The following ACTR3C variants were observed in gnomAD, a reference collection of about 807,000 sequenced individuals.
ACTR3C encodes actin related protein 3C, also known as actin-related protein 3C.
A neutral mutation model predicts 26.3 loss-of-function variants in ACTR3C; 18 were observed. The ratio of observed to expected loss-of-function variants is 0.68; its 90% CI spans 0.47 to 1.01. The LOEUF is 1.01. Ranked by LOEUF, ACTR3C falls within the 50% of genes least tolerant of loss-of-function variation. ACTR3C has a pLI of 0.00. For missense variants in ACTR3C, 184 were observed against 250.7 expected (o/e 0.73, Z 1.80); for synonymous variants, 55 against 94.5 (o/e 0.58, Z 2.42).
the ACTR3C span, among the ~76,000 whole-genome samples, chr7:149,913,611 C>T: frequency 5.3e-5 from 8 of 151,886 alleles, no homozygotes; most frequent in East Asian, 9.7e-4. Context: ...AGGGGCCGTG[C>T]GCGATTCACT....
the ACTR3C span, among the ~76,000 whole-genome samples, chr7:150,042,518 C>T: frequency 2.7e-5 from 4 of 148,726 alleles, no homozygotes; most frequent in Non-Finnish European, 4.5e-5. Flanking sequence ...TCGCCCCCTG[C>T]GATAGTGGTC....
chr7:150,192,060 T>A, the ACTR3C span, among the ~76,000 whole-genome samples: 1 of 151,260 alleles, frequency 6.6e-6, no homozygotes, highest in Non-Finnish European at 1.5e-5. Context: ...AAGCCTTGCA[T>A]GCTTGGAACA....
chr7:149,917,076 ATTTTT>A, the ACTR3C span, among the ~76,000 whole-genome samples: 1 of 136,212 alleles, frequency 7.3e-6, no homozygotes. Flanking sequence ...TGCCCCAAAT[ATTTTT>A]TTTTTTTTTT....
chr7:149,968,970 C>T, the ACTR3C span, among the ~76,000 whole-genome samples: 2 of 151,858 alleles, frequency 1.3e-5, no homozygotes, highest in Admixed American at 1.3e-4. Flanking sequence ...CAGTCCCATT[C>T]GCTCAGGCAC....
chr7:149,990,948 G>T, the ACTR3C span, among the ~76,000 whole-genome samples: 1 of 152,198 alleles, frequency 6.6e-6, no homozygotes, highest in Non-Finnish European at 1.5e-5. Context: ...GCCATGCCCT[G>T]AAGAGCCTGC....
the ACTR3C span, among the ~76,000 whole-genome samples, chr7:149,946,637 A>G: frequency 6.6e-6 from 1 of 152,144 alleles, no homozygotes; most frequent in Admixed American, 6.5e-5. Context: ...GCCAAATGAG[A>G]GAGGGAGCTC....
At chr7:150,298,053 C>A (rs1283419270) in intron 1 of ACTR3C, among the ~76,000 whole-genome samples, 1 of 151,124 alleles carries the variant, frequency 6.6e-6, no homozygotes, top group Non-Finnish European at 1.5e-5. Context: ...CATTAGTAAA[C>A]ATAAAGTTAT....
the ACTR3C span, among the ~76,000 whole-genome samples, chr7:149,939,445 C>T: frequency 3.9e-5 from 6 of 152,148 alleles, no homozygotes; most frequent in Non-Finnish European, 8.8e-5. Context: ...CAATAAAAGT[C>T]AGTGTTACCC....
At chr7:150,201,679 A>G in the ACTR3C span, among the ~76,000 whole-genome samples, 1 of 151,640 alleles carries the variant, frequency 6.6e-6, no homozygotes, top group Non-Finnish European at 1.5e-5. Context: ...AATCACTTGA[A>G]CCTGGGAGAC....
the ACTR3C span, among the ~76,000 whole-genome samples, chr7:150,209,194 C>T: frequency 6.7e-6 from 1 of 148,200 alleles, no homozygotes; most frequent in Admixed American, 6.6e-5. Flanking sequence ...AGAGAACACA[C>T]TCACACACAT....
chr7:150,264,953 C>T, intron 6 of ACTR3C: 2 of 842,834 alleles, frequency 2.4e-6, no homozygotes, highest in Non-Finnish European at 2.9e-6. Flanking sequence ...TGGAGTGATA[C>T]CCGAACTGAA....
chr7:150,197,240 C>T, the ACTR3C span, among the ~76,000 whole-genome samples: 11 of 152,156 alleles, frequency 7.2e-5, no homozygotes, highest in Non-Finnish European at 5.9e-5. Flanking sequence ...AAAAAGTCTT[C>T]AAGAGAATAT....
chr7:150,004,235 GGTGT>G, the ACTR3C span, among the ~76,000 whole-genome samples: 4 of 151,378 alleles, frequency 2.6e-5, no homozygotes, highest in African/African-American at 7.3e-5. Context: ...TGGTATGTGG[GGTGT>G]GTATTATGTG....
chr7:150,100,824 C>T, the ACTR3C span, among the ~76,000 whole-genome samples: 1 of 151,276 alleles, frequency 6.6e-6, no homozygotes, highest in African/African-American at 2.5e-5. Flanking sequence ...ACCACCTCAC[C>T]CTCCCAATTA....
chr7:150,103,433 G>A, the ACTR3C span, among the ~76,000 whole-genome samples: 3 of 152,088 alleles, frequency 2.0e-5, no homozygotes, highest in East Asian at 1.9e-4. Flanking sequence ...CAGAAGCAGC[G>A]CTGGTGAGTG....
chr7:150,014,072 T>C, the ACTR3C span, among the ~76,000 whole-genome samples: 3,459 of 152,130 alleles, frequency 0.023, 50 homozygotes, highest in Non-Finnish European at 0.039. Context: ...TTAGAACAGG[T>C]AGTCAAAATG....
At chr7:150,082,945 TTC>T in the ACTR3C span, among the ~76,000 whole-genome samples, 3 of 94,858 alleles carry the variant, frequency 3.2e-5, no homozygotes, top group Admixed American at 1.0e-4. Context: ...TTTTTTTTTT[TTC>T]TTTTTTTTTT....
chr7:150,079,096 T>C, the ACTR3C span, among the ~76,000 whole-genome samples: 1 of 152,168 alleles, frequency 6.6e-6, no homozygotes, highest in Non-Finnish European at 1.5e-5. Context: ...TCTGCCTCCA[T>C]TTTTCCCATT....
the ACTR3C span, among the ~76,000 whole-genome samples, chr7:150,228,263 C>T: frequency 1.3e-5 from 2 of 152,210 alleles, no homozygotes; most frequent in African/African-American, 4.8e-5. Context: ...TTTGGTGATG[C>T]CGTAAGTGGT....
Sources: gnomAD v4.1 joint callset for allele counts (sites outside exome capture counted in the v4.1 genomes callset) on GRCh38, gnomAD v4.1.1 for gene constraint, MANE v1.5 for transcripts, NCBI Gene and HGNC (gene_info 2026-07-23, HGNC 2026-07-21) for gene names.